CACNA1D: variants seen among roughly 807,000 people sequenced by gnomAD.
CACNA1D encodes calcium voltage-gated channel subunit alpha1 D, also known as voltage-dependent L-type calcium channel subunit alpha-1D.
A neutral mutation model predicts 257.1 loss-of-function variants in CACNA1D; 55 were observed. The observed-to-expected ratio is 0.21, with a 90% CI of 0.17 to 0.27. The LOEUF (loss-of-function observed/expected upper bound fraction) is 0.27. CACNA1D is among the 10% of genes least tolerant of loss of function. The pLI is 1.00. For missense variants in CACNA1D, 1,876 were observed against 2,784.0 expected (o/e 0.67, Z 7.34); for synonymous variants, 980 against 1,014.9 (o/e 0.97, Z 0.65).
chr3:53,737,226 G>T (rs888942674), intron 20 of CACNA1D, among the ~76,000 whole-genome samples: 2 of 152,018 alleles, frequency 1.3e-5, no homozygotes, highest in Non-Finnish European at 2.9e-5. Flanking sequence ...AGCTGAGATC[G>T]CACCACTGCA....
chr3:53,541,591 G>A (rs949255559), intron 3 of CACNA1D, among the ~76,000 whole-genome samples: 1 of 152,162 alleles, frequency 6.6e-6, no homozygotes, highest in African/African-American at 2.4e-5. Flanking sequence ...CTCCCCAAAT[G>A]GGGGACTGAC....
chr3:53,717,017 C>T (rs551917103), intron 9 of CACNA1D, among the ~76,000 whole-genome samples: 1 of 152,220 alleles, frequency 6.6e-6, no homozygotes, highest in African/African-American at 2.4e-5. Context: ...TCAGAATCTT[C>T]GCCATAGCGC....
Position 53,733,069 on chromosome 3 carries a change from T to C in CACNA1D, c.2621+107T>C, listed in dbSNP as rs2095015360. Reference sequence around the variant, plus strand: ...TGAGGGGAAGTGGTTCACAGCCCTTTCTGAACCTGAGTGTCCCTGGCGCCC... The same window carrying C: ...TGAGGGGAAGTGGTTCACAGCCCTTCCTGAACCTGAGTGTCCCTGGCGCCC... On this transcript the variant is annotated intron_variant, in intron 19 of 47. Transcript: ENST00000350061. The C allele has an allele frequency of 5.3e-6, 6 of 1,121,866 alleles. No homozygotes were observed. In the South Asian group the frequency reaches 6.6e-5, roughly 12 times the overall value. The allele number at this position is 1,121,866 out of a possible 1,614,324, so 69.5% of individuals were successfully genotyped here. A position where few individuals can be genotyped will look rare whatever the true frequency, so the allele number is the denominator to read the frequency against.
At chr3:53,575,910 G>A (rs114631851) in intron 3 of CACNA1D, among the ~76,000 whole-genome samples, 294 of 152,276 alleles carry the variant, frequency 1.9e-3, no homozygotes, top group African/African-American at 6.9e-3. Context: ...GAAATGGGAA[G>A]AATATTCCTT....
In CACNA1D at chr3:53,751,332, G is replaced by T. The variant is rs531560590; in HGVS notation, c.3517-417G>T. Among the ~76,000 whole-genome samples, 78 of 152,348 alleles carry T rather than the reference G, an allele frequency of 5.1e-4. No homozygotes were observed. The highest frequency in any genetic ancestry group is 3.4e-3 in the Middle Eastern group (1 of 294). ...TTTCCTGGAGGACAGCACAGGCAGG[G>T]GAACTATAGGTGTGATCCACCTATA... On this transcript the variant is annotated intron_variant, in intron 27 of 47. Coordinates refer to ENST00000350061, the MANE Select transcript of CACNA1D (RefSeq NM_001128840.3). This position sits in a 1 kb window ranked among gnomAD's most constrained non-coding sequence, Gnocchi z 4.3.
In CACNA1D at chr3:53,666,442, C is replaced by T. The variant is rs201819347; in HGVS notation, c.1023C>T (p.Asn341=). The T allele has an allele frequency of 7.9e-5, 128 of 1,614,146 alleles. 1 individual carries two copies. The highest frequency in any genetic ancestry group is 6.6e-4 in the Middle Eastern group (4 of 6,062). The change falls in exon 7 of 48, where the codon AAC becomes AAT. Residue 341 remains asparagine (N), a synonymous_variant. Transcript: ENST00000350061. ...TECRSGWVGP[N]GGITNFDNFA... ...GTAGGAGTGGCTGGGTTGGCCCGAA[C>T]GGAGGCATCACCAACTTTGATAACT...
At chr3:53,807,716 C>G (rs2095574351) in intron 45 of CACNA1D, 1 of 152,356 alleles carries the variant, frequency 6.6e-6, no homozygotes, top group Non-Finnish European at 1.5e-5. Flanking sequence ...TCTCCCGGGC[C>G]TGGTGCCCTG....
Position 53,666,418 on chromosome 3 carries a change from T to C in CACNA1D, c.999T>C (p.Cys333=). Residue 333 remains cysteine, a synonymous_variant, in exon 7 of 48, where the codon TGT becomes TGC. Coordinates refer to ENST00000350061, the MANE Select transcript of CACNA1D (RefSeq NM_001128840.3). ...AGTGTACTGCCAATGGCACGGAATG[T>C]AGGAGTGGCTGGGTTGGCCCGAACG... is the stretch of plus-strand genomic sequence containing the variant. ...GRQCTANGTE[C]RSGWVGPNGG... 1 of 1,614,182 alleles carries C rather than the reference T, an allele frequency of 6.2e-7. No individual in the cohort carries two copies. Among genetic ancestry groups the C allele is most frequent in the East Asian group, 2.2e-5 (1 of 44,880 alleles).
chr3:53,576,250 T>G (rs890357953), intron 3 of CACNA1D, among the ~76,000 whole-genome samples: 1 of 152,218 alleles, frequency 6.6e-6, no homozygotes, highest in Non-Finnish European at 1.5e-5. Flanking sequence ...TGTTATATTA[T>G]AAAAATGCCA....
At chr3:53,511,418 G>C (rs961593605) in intron 3 of CACNA1D, among the ~76,000 whole-genome samples, 2 of 152,224 alleles carry the variant, frequency 1.3e-5, no homozygotes, top group African/African-American at 4.8e-5. Context: ...AAGCAGCCAC[G>C]CTCATTCAGA....
chr3:53,586,276 C>CTGTGTGTGTG (rs57318445), intron 3 of CACNA1D, among the ~76,000 whole-genome samples: 66 of 136,020 alleles, frequency 4.9e-4, no homozygotes, highest in African/African-American at 8.2e-4. Context: ...TGCCTCTATT[C>CTGTGTGTGTG]TGTGTGTGTG....
At chr3:53,620,374 T>C (rs2093683236) in intron 3 of CACNA1D, among the ~76,000 whole-genome samples, 1 of 152,214 alleles carries the variant, frequency 6.6e-6, no homozygotes, top group Non-Finnish European at 1.5e-5. Flanking sequence ...TATTGCAGCC[T>C]TGAATTCCTG....
intron 3 of CACNA1D, among the ~76,000 whole-genome samples, chr3:53,596,090 G>A (rs1434286875): frequency 6.6e-6 from 1 of 152,104 alleles, no homozygotes; most frequent in Non-Finnish European, 1.5e-5. Context: ...GGATCCATGG[G>A]GCTTTGAGAA....
chr3:53,505,303 G>A (rs184812119), intron 3 of CACNA1D, among the ~76,000 whole-genome samples: 4 of 151,936 alleles, frequency 2.6e-5, no homozygotes, highest in Non-Finnish European at 5.9e-5. Context: ...TAGAGATGGG[G>A]TTTCACCGTG....
In CACNA1D at chr3:53,723,503, T is replaced by C; in HGVS notation, c.1736T>C (p.Leu579Pro). ...EMLVKMYSLG[L>P]QAYFVSLFNR... ...CTGGTAAAAATGTACAGCTTGGGCC[T>C]CCAAGCATATTTCGTCTCTCTTTTC... Residue 579 changes from leucine to proline, a missense_variant, in exon 13 of 48, where the codon CTC (leucine) becomes CCC (proline). By Grantham distance (98) the Leu-to-Pro change is moderately conservative. Around this residue, in one of 10 missense-constraint regions of CACNA1D, gnomAD observed 257 missense variants for 399.7 expected, o/e 0.64. Coordinates refer to ENST00000350061, the MANE Select transcript of CACNA1D (RefSeq NM_001128840.3). This position sits in a 1 kb window ranked among gnomAD's most constrained non-coding sequence, Gnocchi z 5.6. The C allele has an allele frequency of 6.2e-7, 1 of 1,614,082 alleles. No individual in the cohort carries two copies. Among genetic ancestry groups the C allele is most frequent in the Non-Finnish European group, 8.5e-7 (1 of 1,179,958 alleles).
intron 3 of CACNA1D, among the ~76,000 whole-genome samples, chr3:53,572,855 C>T (rs776280079): frequency 3.9e-5 from 6 of 152,196 alleles, no homozygotes; most frequent in Non-Finnish European, 5.9e-5. Context: ...TTCCCCGTCT[C>T]AACACCCGTT....
chr3:53,665,934 C>T (rs976255542), intron 6 of CACNA1D, 122 bp downstream of exon 6: 15 of 738,438 alleles, frequency 2.0e-5, no homozygotes, highest in African/African-American at 3.5e-5. Flanking sequence ...TATACCAGCA[C>T]ATTTACTGAG....
chr3:53,762,006 T>C lies in CACNA1D; in HGVS notation c.3795T>C (p.Phe1265=). 6.2e-7 allele frequency: 1 copy of C among 1,611,402 alleles called. No individual in the cohort carries two copies. Among genetic ancestry groups the C allele is most frequent in the Non-Finnish European group, 8.5e-7 (1 of 1,177,472 alleles). Residue 1265 remains phenylalanine (F), a synonymous_variant, in exon 30 of 48, where the codon TTT becomes TTC. Transcript: ENST00000350061. ...KVIAFKPKGY[F]SDAWNTFDSL... ...TCGCCTGCTCTGTCCAGGGGTATTT[T>C]AGTGACGCCTGGAACACGTTTGACT...
chr3:53,695,033 G>A (rs533025816), intron 8 of CACNA1D, among the ~76,000 whole-genome samples: 194 of 152,320 alleles, frequency 1.3e-3, no homozygotes, highest in African/African-American at 4.5e-3. Context: ...GCCATTTCTC[G>A]TGAACTCACT....
Sources: gnomAD v4.1 joint callset for allele counts (sites outside exome capture counted in the v4.1 genomes callset) on GRCh38, gnomAD v4.1.1 for gene constraint, gnomAD v4.1.1 regional missense constraint, Gnocchi (gnomAD v3.1) non-coding constraint, MANE v1.5 for transcripts, NCBI Gene and HGNC (gene_info 2026-07-23, HGNC 2026-07-21) for gene names.